The following HIVEP2 variants were observed in gnomAD, a reference collection of about 807,000 sequenced individuals.
The protein encoded by HIVEP2 is HIVEP zinc finger 2.
A neutral mutation model predicts 180.7 loss-of-function variants in HIVEP2; 14 were observed. That is an observed-to-expected ratio of 0.08 (90% CI 0.05 to 0.12). HIVEP2 has a LOEUF of 0.12. Among genes scored for constraint, HIVEP2 ranks in the 10% least tolerant of loss-of-function variants. The pLI is 1.00. For missense variants in HIVEP2, 2,579 were observed against 3,008.5 expected (o/e 0.86, Z 3.34); for synonymous variants, 1,184 against 1,136.4 (o/e 1.04, Z -0.84).
At chr6:142,832,118 G>A (rs1775102814) in intron 2 of HIVEP2, among the ~76,000 whole-genome samples, 1 of 151,502 alleles carries the variant, frequency 6.6e-6, no homozygotes, top group African/African-American at 2.4e-5. Context: ...CTTGAACCCA[G>A]GAGGCACAGG....
In HIVEP2 at chr6:142,943,533, G is replaced by A. The variant is rs933581845; in HGVS notation, c.-641+1566C>T. On this transcript the variant is annotated intron_variant, in intron 1 of 9. Coordinates refer to ENST00000367603, the MANE Select transcript of HIVEP2 (RefSeq NM_006734.4). This position sits in a 1 kb window ranked among gnomAD's most constrained non-coding sequence, Gnocchi z 4.5. ...CTACAAAAGAAACAACTGTATTGAGGAGAAAAATCAATAGCCCTTGACTAG... is the reference window on the plus strand; with the variant it reads ...CTACAAAAGAAACAACTGTATTGAGAAGAAAAATCAATAGCCCTTGACTAG... Among the ~76,000 whole-genome samples, 1 of 152,018 alleles carries A rather than the reference G, an allele frequency of 6.6e-6. No individual in the cohort carries two copies.
intron 2 of HIVEP2, among the ~76,000 whole-genome samples, chr6:142,809,692 C>G (rs1013444074): frequency 1.3e-5 from 2 of 152,122 alleles, no homozygotes; most frequent in Non-Finnish European, 2.9e-5. Context: ...CTCCCTAGTT[C>G]AAGTGATTCT....
chr6:142,911,657 T>C (rs1434946555), intron 1 of HIVEP2, among the ~76,000 whole-genome samples: 1 of 152,186 alleles, frequency 6.6e-6, no homozygotes, highest in Non-Finnish European at 1.5e-5. Flanking sequence ...AGCCTGACAC[T>C]GCTCCCAGGA....
chr6:142,766,850 T>C (rs2114633860), intron 6 of HIVEP2, among the ~76,000 whole-genome samples: 1 of 152,300 alleles, frequency 6.6e-6, no homozygotes, highest in Non-Finnish European at 1.5e-5. Flanking sequence ...CAATATACAC[T>C]TACAATTTTG....
At chr6:142,782,312 A>T (rs1231711314) in intron 3 of HIVEP2, among the ~76,000 whole-genome samples, 1 of 152,216 alleles carries the variant, frequency 6.6e-6, no homozygotes, top group Non-Finnish European at 1.5e-5. Flanking sequence ...AAAATCTTTA[A>T]AAAATACATG....
intron 1 of HIVEP2, among the ~76,000 whole-genome samples, chr6:142,840,800 G>T (rs1775342140): frequency 6.6e-6 from 1 of 151,922 alleles, no homozygotes; most frequent in African/African-American, 2.4e-5. Flanking sequence ...TGTTTATAAT[G>T]GACTTCATAT....
intron 1 of HIVEP2, among the ~76,000 whole-genome samples, chr6:142,901,749 A>G (rs1777137913): frequency 6.6e-6 from 1 of 152,224 alleles, no homozygotes; most frequent in African/African-American, 2.4e-5. Flanking sequence ...TGCCGACAAG[A>G]AGTTTTGTAT....
chr6:142,766,823 T>G (rs894092235), intron 6 of HIVEP2, among the ~76,000 whole-genome samples: 10 of 152,216 alleles, frequency 6.6e-5, no homozygotes, highest in Admixed American at 2.6e-4. Flanking sequence ...AATTTATTAT[T>G]AAACCTATCA....
At position 142,772,930 on chromosome 6, in the gene HIVEP2, C is replaced by A. The variant is rs1339560343; in HGVS notation, c.1809G>T (p.Glu603Asp). ...QAAFELPSVQ[E>D]GHVEVEHHGR... is the part of the protein sequence containing the mutation. ...CATGGTGCTCGACTTCCACGTGGCC[C>A]TCCTGTACCGAAGGCAGCTCAAATG... Residue 603 changes from glutamate (E) to aspartate (D), a missense_variant, in exon 5 of 10, where the codon GAG (glutamate) becomes GAT (aspartate). By Grantham distance (45) the Glu-to-Asp change is conservative (BLOSUM62 2). Coordinates refer to ENST00000367603, the MANE Select transcript of HIVEP2 (RefSeq NM_006734.4). This position sits in a 1 kb window ranked among gnomAD's most constrained non-coding sequence, Gnocchi z 4.9. The A allele has an allele frequency of 6.2e-7, 1 of 1,614,070 alleles. No homozygotes were observed. The highest frequency in any genetic ancestry group is 8.5e-7 in the Non-Finnish European group (1 of 1,180,046).
At chr6:142,832,555 T>G (rs553057453) in intron 2 of HIVEP2, among the ~76,000 whole-genome samples, 1 of 152,136 alleles carries the variant, frequency 6.6e-6, no homozygotes, top group African/African-American at 2.4e-5. Flanking sequence ...ATGCAAATAA[T>G]AGATGAGGTA....
intron 1 of HIVEP2, among the ~76,000 whole-genome samples, chr6:142,886,286 A>C (rs1394642672): frequency 1.3e-5 from 2 of 152,242 alleles, no homozygotes; most frequent in African/African-American, 2.4e-5. Flanking sequence ...TAAGATGTTA[A>C]CTAAGACAAA....
At chr6:142,902,974 C>T (rs1307717941) in intron 1 of HIVEP2, among the ~76,000 whole-genome samples, 1 of 152,176 alleles carries the variant, frequency 6.6e-6, no homozygotes, top group Non-Finnish European at 1.5e-5. Context: ...TATCTCAACG[C>T]TGAACTACTA....
intron 2 of HIVEP2, among the ~76,000 whole-genome samples, chr6:142,792,130 T>C (rs574871713): frequency 6.6e-6 from 1 of 152,144 alleles, no homozygotes; most frequent in Admixed American, 6.6e-5. Context: ...TAAAGAACTT[T>C]AGTTGGCAGA....
intron 7 of HIVEP2, among the ~76,000 whole-genome samples, chr6:142,762,485 CACACACACAT>C (rs67821040): frequency 0.022 from 2,303 of 102,876 alleles, 29 homozygotes; most frequent in Middle Eastern, 0.064. Flanking sequence ...CACACACACA[CACACACACAT>C]ACATATAAAT....
chr6:142,854,042 T>C (rs897326855), intron 1 of HIVEP2, among the ~76,000 whole-genome samples: 2 of 152,306 alleles, frequency 1.3e-5, no homozygotes, highest in Middle Eastern at 3.4e-3. Flanking sequence ...CATAATGTTC[T>C]CAGTCTTTGT....
Position 142,773,644 on chromosome 6 carries a change from G to C in HIVEP2, c.1095C>G (p.Val365=). The change falls in exon 5 of 10, where the codon GTC becomes GTG. Residue 365 remains valine, a synonymous_variant. Transcript: ENST00000367603. ...LNTKADDSHT[V]KQKLALRLSE... ...ACAGTCTTAGTGCAAGTTTCTGTTT[G>C]ACTGTGTGCGAATCATCAGCCTTAG... 1 of 1,614,148 alleles carries C rather than the reference G, an allele frequency of 6.2e-7. No individual in the cohort carries two copies. Among genetic ancestry groups the C allele is most frequent in the Non-Finnish European group, 8.5e-7 (1 of 1,180,020 alleles).
chr6:142,800,785 G>GA (rs1229551052), intron 2 of HIVEP2, among the ~76,000 whole-genome samples: 2 of 152,136 alleles, frequency 1.3e-5, no homozygotes, highest in Admixed American at 1.3e-4. Flanking sequence ...TATAAAACTG[G>GA]AAAGATCCTT....
intron 1 of HIVEP2, among the ~76,000 whole-genome samples, chr6:142,867,212 T>G (rs1448417249): frequency 6.6e-6 from 1 of 151,630 alleles, no homozygotes. Context: ...TTTCATAGTC[T>G]TTTTTTTTCT....
At chr6:142,906,827 A>T (rs1777274779) in intron 1 of HIVEP2, among the ~76,000 whole-genome samples, 1 of 152,224 alleles carries the variant, frequency 6.6e-6, no homozygotes, top group Non-Finnish European at 1.5e-5. Context: ...AGAATATACA[A>T]GGAAAAATTC....
Sources: gnomAD v4.1 joint callset for allele counts (sites outside exome capture counted in the v4.1 genomes callset) on GRCh38, gnomAD v4.1.1 for gene constraint, Gnocchi (gnomAD v3.1) non-coding constraint, MANE v1.5 for transcripts, NCBI Gene and HGNC (gene_info 2026-07-23, HGNC 2026-07-21) for gene names.